The following ZNF329 variants were observed in gnomAD, a reference collection of about 807,000 sequenced individuals.
ZNF329 encodes zinc finger protein 329.
In ZNF329, 15 loss-of-function variants were observed where a neutral mutation model predicts 26.6. That is an observed-to-expected ratio of 0.56 (90% CI 0.38 to 0.87). ZNF329 has a LOEUF of 0.87. Among genes scored for constraint, ZNF329 ranks in the 40% least tolerant of loss-of-function variants. ZNF329 has a pLI of 0.00. For synonymous variants in ZNF329, 239 were observed against 233.5 expected, an observed-to-expected ratio of 1.02 and a Z score of -0.21; for missense variants, 651 against 651.9, an observed-to-expected ratio of 1.00 and a Z score of 0.02.
intron 1 of ZNF329, among the ~76,000 whole-genome samples, chr19:58,144,386 A>C (rs549576501): frequency 0.053 from 5,074 of 95,296 alleles, 207 homozygotes; most frequent in African/African-American, 0.15. Flanking sequence ...CTATCTATAT[A>C]TATATATATA....
At chr19:58,143,566 C>T (rs911943064) in intron 1 of ZNF329, among the ~76,000 whole-genome samples, 1 of 152,136 alleles carries the variant, frequency 6.6e-6, no homozygotes. Flanking sequence ...AAGCAAGCAA[C>T]CCAGTGAAGG....
chr19:58,136,239 AAAG>A (rs2075063703), intron 3 of ZNF329, among the ~76,000 whole-genome samples: 1 of 151,982 alleles, frequency 6.6e-6, no homozygotes, highest in African/African-American at 2.4e-5. Context: ...CAAAAAAAAA[AAAG>A]AAAAAAAAGA....
chr19:58,129,040 G>T lies in ZNF329; in HGVS notation c.464C>A (p.Ser155Tyr). Residue 155 changes from serine (S) to tyrosine (Y), a missense_variant, in exon 4 of 4, where the codon TCT becomes TAT. Ser to Tyr is a moderately radical substitution (Grantham distance 144). Coordinates refer to ENST00000598312, the MANE Select transcript of ZNF329 (RefSeq NM_024620.4). The stretch of plus-strand genomic sequence containing the variant: ...ACCAAGAGAGGTAAAATGATTAAAA[G>T]ACTTAACACTTTCAGGGTATTTGTA... ...KPYKYPESVKSFNHFTSLGHQ... is the reference protein window; with the variant it reads ...KPYKYPESVKYFNHFTSLGHQ... 1 of 1,614,002 alleles carries T rather than the reference G, an allele frequency of 6.2e-7. No homozygotes were observed. Among genetic ancestry groups the T allele is most frequent in the Non-Finnish European group, 8.5e-7 (1 of 1,180,000 alleles).
chr19:58,131,080 T>A (rs2074929795), intron 3 of ZNF329, among the ~76,000 whole-genome samples: 1 of 152,052 alleles, frequency 6.6e-6, no homozygotes, highest in Non-Finnish European at 1.5e-5. Flanking sequence ...TATGTCTACA[T>A]TCTAGGCAAT....
intron 3 of ZNF329, among the ~76,000 whole-genome samples, chr19:58,133,013 T>C (rs778780257): frequency 1.3e-5 from 2 of 151,980 alleles, no homozygotes; most frequent in Non-Finnish European, 2.9e-5. Context: ...AGGGTTTCAC[T>C]ATGTTAGCCA....
At position 58,126,350 on chromosome 19, in the gene ZNF329, CATTTT is replaced by C. The variant is rs1248906154; in HGVS notation, c.*1523_*1527del. ...AAATTCCAGTCCCCAAAGAAAACCA[CATTTT>C]ATTTCTCCATCATCCACTTTCAACA... is the stretch of plus-strand genomic sequence containing the variant. On this transcript the variant is annotated 3_prime_UTR_variant, in exon 4 of 4. Coordinates refer to ENST00000598312, the MANE Select transcript of ZNF329 (RefSeq NM_024620.4). 5 of 152,210 alleles carry C rather than the reference CATTTT, an allele frequency of 3.3e-5. No homozygotes were observed. Among genetic ancestry groups the C allele is most frequent in the African/African-American group, 1.2e-4 (5 of 41,448 alleles). The allele number at this position is 152,210 out of a possible 1,614,324, so 9.4% of individuals were successfully genotyped here.
upstream of ZNF329, among the ~76,000 whole-genome samples, chr19:58,153,895 G>T (rs1367471228): frequency 6.6e-6 from 1 of 151,854 alleles, no homozygotes; most frequent in Non-Finnish European, 1.5e-5. Flanking sequence ...TACAGATGGG[G>T]TCTCACTATT....
intron 1 of ZNF329, among the ~76,000 whole-genome samples, chr19:58,148,028 T>C (rs1278914751): frequency 6.6e-6 from 1 of 152,078 alleles, no homozygotes; most frequent in Non-Finnish European, 1.5e-5. Context: ...TGGGAGACTT[T>C]TCATTTTGTT....
At chr19:58,145,137 C>G (rs1040864279) in intron 1 of ZNF329, among the ~76,000 whole-genome samples, 1 of 151,010 alleles carries the variant, frequency 6.6e-6, no homozygotes, top group Non-Finnish European at 1.5e-5. Flanking sequence ...GCGTGAGCCA[C>G]CGCGCCTGGC....
intron 1 of ZNF329, among the ~76,000 whole-genome samples, chr19:58,150,484 G>C (rs143926047): frequency 2.8e-4 from 43 of 152,376 alleles, no homozygotes; most frequent in Non-Finnish European, 5.7e-4. Context: ...GCTAAGGAAA[G>C]AGCGGGGGCG....
chr19:58,154,392 G>A (rs1189291980), upstream of ZNF329, among the ~76,000 whole-genome samples: 1 of 152,100 alleles, frequency 6.6e-6, no homozygotes, highest in African/African-American at 2.4e-5. Context: ...CAGCACTTGC[G>A]CCCAGGGATA....
At chr19:58,147,753 C>T (rs1170491941) in intron 1 of ZNF329, among the ~76,000 whole-genome samples, 7 of 126,100 alleles carry the variant, frequency 5.6e-5, no homozygotes, top group African/African-American at 1.7e-4. Flanking sequence ...CCAGCCGCCC[C>T]GTCCGGGAGG....
chr19:58,152,448 A>G (rs2075473894), upstream of ZNF329, among the ~76,000 whole-genome samples: 1 of 151,884 alleles, frequency 6.6e-6, no homozygotes, highest in Admixed American at 6.6e-5. Context: ...AAATCTTCAC[A>G]AAACTACTAA....
In ZNF329 at chr19:58,129,460, A is replaced by T; in HGVS notation, c.44T>A (p.Val15Glu). The T allele has an allele frequency of 3.1e-6, 5 of 1,602,464 alleles. No individual in the cohort carries two copies. The highest frequency in any genetic ancestry group is 4.3e-6 in the Non-Finnish European group (5 of 1,175,012). Residue 15 changes from valine to glutamate, a missense_variant, in exon 4 of 4, where the codon GTA (valine) becomes GAA (glutamate). Physicochemically the swap from Val to Glu is moderately radical, Grantham distance 121 (BLOSUM62 -2). Coordinates refer to ENST00000598312, the MANE Select transcript of ZNF329 (RefSeq NM_024620.4). ...TCTTTCCACTTCTACATCACAGGGT[A>T]CTTCTCTCTCAGGAAAATTCCGAGT... is the stretch of plus-strand genomic sequence containing the variant. Reference protein sequence around the residue: ...MTTRNFPEREVPCDVEVERFT... With the variant: ...MTTRNFPEREEPCDVEVERFT...
In ZNF329 at chr19:58,127,836, A is replaced by T. The variant is rs1486451392; in HGVS notation, c.*42T>A. The T allele has an allele frequency of 6.5e-7, 1 of 1,528,088 alleles. No homozygotes were observed. The highest frequency in any genetic ancestry group is 8.8e-7 in the Non-Finnish European group (1 of 1,133,542). The allele number at this position is 1,528,088 out of a possible 1,614,324, so 94.7% of individuals were successfully genotyped here. On this transcript the variant is annotated 3_prime_UTR_variant, in exon 4 of 4. Transcript: ENST00000598312. ...GATCTAAGACACGCCTCCTAAACAC[A>T]GGAGTGAGAGTGAACTGGAAGACTC...
chr19:58,128,815 G>C lies in ZNF329; in HGVS notation c.689C>G (p.Pro230Arg), dbSNP rs1223318906. The C allele has an allele frequency of 2.5e-6, 4 of 1,605,946 alleles. No homozygotes were observed. Among genetic ancestry groups the C allele is most frequent in the East Asian group, 4.5e-5 (2 of 44,858 alleles). Residue 230 changes from proline (P) to arginine (R), a missense_variant, in exon 4 of 4, where the codon CCT becomes CGT. By Grantham distance (103) the Pro-to-Arg change is moderately radical. Coordinates refer to ENST00000598312, the MANE Select transcript of ZNF329 (RefSeq NM_024620.4). ...LHHRTHTGEK[P>R]YTCNECGKSF... ...CTTTCCACACTCATTACAAGTATAA[G>C]GCTTCTCTCCGGTGTGAGTTCGGTG...
intron 1 of ZNF329, among the ~76,000 whole-genome samples, chr19:58,144,870 TAC>T (rs2075272914): frequency 7.3e-6 from 1 of 137,894 alleles, no homozygotes; most frequent in South Asian, 2.3e-4. Flanking sequence ...TTTTTTTTGA[TAC>T]AGAGTTTTGA....
chr19:58,148,613 G>C (rs1285253446), intron 1 of ZNF329, among the ~76,000 whole-genome samples: 1 of 152,116 alleles, frequency 6.6e-6, no homozygotes, highest in Non-Finnish European at 1.5e-5. Context: ...ACCACTTTGG[G>C]AGGCCAAGGC....
intron 1 of ZNF329, among the ~76,000 whole-genome samples, chr19:58,147,721 A>C (rs1193825776): frequency 6.9e-6 from 1 of 144,630 alleles, no homozygotes; most frequent in African/African-American, 2.7e-5. Context: ...CCCACTGGGA[A>C]GTGAGGAGAC....
Sources: allele counts gnomAD v4.1 joint callset (sites outside exome capture counted in the v4.1 genomes callset), GRCh38; gene constraint gnomAD v4.1.1; transcripts MANE v1.5; gene names NCBI Gene and HGNC (gene_info 2026-07-23, HGNC 2026-07-21).